RFC3: variants seen among roughly 807,000 people sequenced by gnomAD.
RFC3 encodes replication factor C subunit 3.
In RFC3, 41 loss-of-function variants were observed where a neutral mutation model predicts 45.1. The observed-to-expected ratio is 0.91, with a 90% CI of 0.71 to 1.18. The LOEUF is 1.18. Ranked by LOEUF, RFC3 falls within the 50% of genes most tolerant of loss-of-function variation. The probability of loss-of-function intolerance (pLI) is 0.00; values close to 1 mark genes in which losing one functional copy is unlikely to be tolerated. For missense variants in RFC3, 423 were observed against 428.1 expected (o/e 0.99, Z 0.10); for synonymous variants, 149 against 144.0 (o/e 1.03, Z -0.25).
chr13:33,836,908 G>C lies in RFC3; in HGVS notation c.*613G>C. Reference sequence around the variant, plus strand: ...TGTTTTCACTAATTTAAGTACTTGAGACTCTTGAAGAAAATTCAGAATGAA... The same window carrying C: ...TGTTTTCACTAATTTAAGTACTTGACACTCTTGAAGAAAATTCAGAATGAA... On this transcript the variant is annotated 3_prime_UTR_variant, in exon 9 of 9. Transcript: ENST00000380071. 1 of 984,692 alleles carries C rather than the reference G, an allele frequency of 1.0e-6. No homozygotes were observed. The highest frequency in any genetic ancestry group is 1.2e-6 in the Non-Finnish European group (1 of 829,358). 61.0% of individuals were successfully genotyped at this position (984,692 alleles called of 1,614,324 possible). A position where few individuals can be genotyped will look rare whatever the true frequency, so the allele number is the denominator to read the frequency against.
intron 8 of RFC3, among the ~76,000 whole-genome samples, chr13:33,912,540 G>A (rs2082709583): frequency 6.6e-6 from 1 of 152,038 alleles, no homozygotes; most frequent in Non-Finnish European, 1.5e-5. Context: ...CAGGGCAGTG[G>A]CCTGGAGGCA....
chr13:33,973,655 C>CT, the RFC3 span, among the ~76,000 whole-genome samples: 6,208 of 134,838 alleles, frequency 0.046, 323 homozygotes, highest in African/African-American at 0.12. Context: ...TCTTCTTCTT[C>CT]TTTTTTTTTT....
chr13:33,918,409 T>A (rs2082746663), intron 8 of RFC3, among the ~76,000 whole-genome samples: 1 of 152,042 alleles, frequency 6.6e-6, no homozygotes, highest in Non-Finnish European at 1.5e-5. Flanking sequence ...GGTTGTCACT[T>A]CTCTGGAGTG....
Position 33,819,437 on chromosome 13 carries a change from C to T in RFC3, c.87+1172C>T, listed in dbSNP as rs3135542. The stretch of plus-strand genomic sequence containing the variant: ...GTTTTTGCCCAATACCCTGGTTTTC[C>T]CTTCCGACCTTTCTTAGATTTACAG... On this transcript the variant is annotated intron_variant, in intron 1 of 8. Coordinates refer to ENST00000380071, the MANE Select transcript of RFC3 (RefSeq NM_002915.4). 5.6e-3 allele frequency among the ~76,000 whole-genome samples: 845 copies of T among 152,216 alleles called. 9 individuals carry two copies. The highest frequency in any genetic ancestry group is 0.019 in the African/African-American group (796 of 41,520).
chr13:33,913,304 G>A (rs1297895431), intron 8 of RFC3, among the ~76,000 whole-genome samples: 1 of 152,096 alleles, frequency 6.6e-6, no homozygotes, highest in African/African-American at 2.4e-5. Context: ...AGGCACTGGG[G>A]GAACGGGAGA....
At chr13:33,881,736 T>C (rs1201133886) in intron 8 of RFC3, among the ~76,000 whole-genome samples, 1 of 152,204 alleles carries the variant, frequency 6.6e-6, no homozygotes, top group Non-Finnish European at 1.5e-5. Flanking sequence ...GTTCTCTCAG[T>C]CCCGTGCTTT....
intron 8 of RFC3, among the ~76,000 whole-genome samples, chr13:33,883,903 T>C (rs74502978): frequency 1.3e-5 from 2 of 152,002 alleles, no homozygotes; most frequent in African/African-American, 4.8e-5. Flanking sequence ...TTTACGTATG[T>C]AACAAACCCG....
chr13:33,825,176 C>T (rs913455454), intron 3 of RFC3, among the ~76,000 whole-genome samples: 1 of 152,128 alleles, frequency 6.6e-6, no homozygotes, highest in African/African-American at 2.4e-5. Flanking sequence ...AGGTCTTTGA[C>T]TGAAGTGCCA....
chr13:33,914,720 A>G (rs1390181485), intron 8 of RFC3, among the ~76,000 whole-genome samples: 1 of 152,188 alleles, frequency 6.6e-6, no homozygotes, highest in Non-Finnish European at 1.5e-5. Context: ...TGACAATCCC[A>G]TTTATGAATT....
chr13:33,842,539 C>CA (rs1478508668), intron 8 of RFC3, among the ~76,000 whole-genome samples: 2 of 152,196 alleles, frequency 1.3e-5, no homozygotes, highest in Non-Finnish European at 2.9e-5. Context: ...CTCTGCCCAA[C>CA]ATAGGCAGCC....
chr13:33,845,636 G>A (rs1021807521), intron 8 of RFC3, among the ~76,000 whole-genome samples: 2 of 152,074 alleles, frequency 1.3e-5, no homozygotes, highest in Non-Finnish European at 2.9e-5. Flanking sequence ...ATTTTTCAAT[G>A]TCTTTGTTAC....
At chr13:33,973,597 TCTCCTTCTCCTTCTC>T in the RFC3 span, among the ~76,000 whole-genome samples, 3 of 145,834 alleles carry the variant, frequency 2.1e-5, no homozygotes, top group East Asian at 1.9e-4. Flanking sequence ...TTCAACTCCT[TCTCCTTCTCCTTCTC>T]CTCCTTCTCC....
chr13:33,945,737 C>T (rs150690005), intron 8 of RFC3, among the ~76,000 whole-genome samples: 77 of 152,324 alleles, frequency 5.1e-4, no homozygotes, highest in African/African-American at 1.8e-3. Context: ...AACTAGTTCA[C>T]GCTCAGATGA....
downstream of RFC3, among the ~76,000 whole-genome samples, chr13:33,839,303 T>C (rs763835783): frequency 6.6e-6 from 1 of 152,226 alleles, no homozygotes; most frequent in Admixed American, 6.5e-5. Flanking sequence ...GCAAAGCTAT[T>C]GTATGGGTTT....
chr13:33,918,947 A>G (rs2082750369), intron 8 of RFC3, among the ~76,000 whole-genome samples: 1 of 152,146 alleles, frequency 6.6e-6, no homozygotes, highest in Admixed American at 6.5e-5. Context: ...AACCTCTGTA[A>G]TTCGAAGTGA....
chr13:33,900,086 T>TA (rs1366445559), intron 8 of RFC3, among the ~76,000 whole-genome samples: 1 of 151,914 alleles, frequency 6.6e-6, no homozygotes, highest in Non-Finnish European at 1.5e-5. Flanking sequence ...TTAATCTTGT[T>TA]AAAATGACAA....
chr13:33,908,690 A>G (rs1042678980), intron 8 of RFC3, among the ~76,000 whole-genome samples: 10 of 151,822 alleles, frequency 6.6e-5, no homozygotes, highest in African/African-American at 2.4e-4. Context: ...ATGGAGGCCA[A>G]GAAGTCTCAG....
At chr13:33,945,978 C>T (rs2082951998) in intron 8 of RFC3, among the ~76,000 whole-genome samples, 1 of 152,186 alleles carries the variant, frequency 6.6e-6, no homozygotes. Flanking sequence ...TCTGATCTTA[C>T]TGCCATCACT....
chr13:33,946,417 T>C (rs1319136573), intron 8 of RFC3, among the ~76,000 whole-genome samples: 3 of 152,212 alleles, frequency 2.0e-5, no homozygotes, highest in African/African-American at 7.2e-5. Context: ...TTAAAAGTTA[T>C]TGAGGACTCC....
Sources: gnomAD v4.1 joint callset for allele counts (sites outside exome capture counted in the v4.1 genomes callset) on GRCh38, gnomAD v4.1.1 for gene constraint, MANE v1.5 for transcripts, NCBI Gene and HGNC (gene_info 2026-07-23, HGNC 2026-07-21) for gene names.